The following CPE variants were observed in gnomAD, a reference collection of about 807,000 sequenced individuals.
CPE encodes the protein carboxypeptidase E.
A neutral mutation model predicts 53.5 loss-of-function variants in CPE; 17 were observed. That is an observed-to-expected ratio of 0.32 (90% CI 0.22 to 0.48). The LOEUF is 0.48. Ranked by LOEUF, CPE falls within the 20% of genes least tolerant of loss-of-function variation. CPE has a pLI of 0.99. For synonymous variants in CPE, 226 were observed against 228.8 expected, an observed-to-expected ratio of 0.99 and a Z score of 0.11; for missense variants, 524 against 614.7, an observed-to-expected ratio of 0.85 and a Z score of 1.56.
chr4:165,493,206 T>C lies in CPE; in HGVS notation c.1149T>C (p.Leu383=), dbSNP rs1194328148. 2.0e-5 allele frequency: 32 copies of C among 1,614,076 alleles called. No individual in the cohort carries two copies. Among genetic ancestry groups the C allele is most frequent in the Non-Finnish European group, 2.5e-5 (30 of 1,179,946 alleles). The change falls in exon 7 of 9, where the codon CTT becomes CTC. Residue 383 remains leucine (L), a synonymous_variant. Transcript: ENST00000402744. Reference sequence around the variant, plus strand: ...GAGTTAAAGGATTTGTCCGAGACCTTCAAGGTAACCCAATTGCGAATGCCA... The same window carrying C: ...GAGTTAAAGGATTTGTCCGAGACCTCCAAGGTAACCCAATTGCGAATGCCA... ...HRGVKGFVRD[L]QGNPIANATI... is the part of the protein sequence containing the mutation.
chr4:165,473,131 A>G (rs896040867), intron 3 of CPE, among the ~76,000 whole-genome samples: 3 of 152,268 alleles, frequency 2.0e-5, no homozygotes, highest in Non-Finnish European at 4.4e-5. Context: ...TTAAAACTGT[A>G]TAACTTTTTA....
At chr4:165,392,724 T>A (rs1241787305) in intron 1 of CPE, among the ~76,000 whole-genome samples, 1 of 148,188 alleles carries the variant, frequency 6.7e-6, no homozygotes, top group Non-Finnish European at 1.5e-5. Flanking sequence ...CCATCCCAAA[T>A]TGTTTTATTG....
intron 1 of CPE, among the ~76,000 whole-genome samples, chr4:165,428,235 C>T (rs1236650235): frequency 2.0e-5 from 3 of 151,946 alleles, no homozygotes; most frequent in African/African-American, 7.3e-5. Context: ...AAACTTTTTT[C>T]ATTTTTTGTA....
chr4:165,441,215 G>A (rs899653730), intron 1 of CPE, among the ~76,000 whole-genome samples: 2 of 152,132 alleles, frequency 1.3e-5, no homozygotes, highest in African/African-American at 4.8e-5. Context: ...TGATTTGATT[G>A]TTAATCTGAT....
intron 1 of CPE, chr4:165,405,430 T>G (rs758564585): frequency 2.0e-4 from 175 of 888,776 alleles, no homozygotes; most frequent in Non-Finnish European, 3.2e-4. Context: ...CTTGCTCAAT[T>G]CCAGTCTTTA....
chr4:165,416,148 C>T (rs1456569634), intron 1 of CPE, among the ~76,000 whole-genome samples: 5 of 152,152 alleles, frequency 3.3e-5, no homozygotes, highest in East Asian at 1.9e-4. Context: ...GTAGCTGAGA[C>T]GAAAGCATTG....
At chr4:165,450,282 T>C (rs915100810) in intron 1 of CPE, among the ~76,000 whole-genome samples, 5 of 152,174 alleles carry the variant, frequency 3.3e-5, no homozygotes, top group Non-Finnish European at 5.9e-5. Context: ...GGGGCTACTG[T>C]GTATCTGTTT....
Position 165,478,285 on chromosome 4 carries a change from G to C in CPE, c.673-3957G>C, listed in dbSNP as rs115670235. On this transcript the variant is annotated intron_variant, in intron 3 of 8. Transcript: ENST00000402744. ...ACTCCAAAGTCTTCTCTGTGGATCA[G>C]TTAAATATATAATTATAGTACACAG... Among the ~76,000 whole-genome samples the C allele has an allele frequency of 4.7e-3, 713 of 152,300 alleles. 6 individuals carry two copies. The highest frequency in any genetic ancestry group is 0.016 in the African/African-American group (661 of 41,560).
intron 3 of CPE, among the ~76,000 whole-genome samples, chr4:165,473,676 C>T (rs996720782): frequency 2.6e-5 from 4 of 152,212 alleles, no homozygotes; most frequent in African/African-American, 7.2e-5. Flanking sequence ...AGGCACCCAT[C>T]TTGGAAAGCA....
Position 165,484,573 on chromosome 4 carries a change from C to T in CPE, c.942C>T (p.Thr314=), listed in dbSNP as rs775810485. Reference sequence around the variant, plus strand: ...ACAGCAGCTTTGTAGATGGAACCACCAACGGTGGTGCTTGGTACAGCGTAC... The same window carrying T: ...ACAGCAGCTTTGTAGATGGAACCACTAACGGTGGTGCTTGGTACAGCGTAC... The part of the protein sequence containing the change: ...DDDSSFVDGT[T]NGGAWYSVPG... Residue 314 remains threonine (T), a synonymous_variant, in exon 5 of 9, where the codon ACC becomes ACT. Transcript: ENST00000402744. 6.8e-6 allele frequency: 11 copies of T among 1,614,048 alleles called. No individual in the cohort carries two copies. In the Admixed American group the frequency reaches 1.8e-4, roughly 27 times the overall value.
chr4:165,439,865 G>A (rs529503827), intron 1 of CPE, among the ~76,000 whole-genome samples: 50 of 152,216 alleles, frequency 3.3e-4, no homozygotes, highest in Non-Finnish European at 4.6e-4. Context: ...TCAAGGAACC[G>A]ATAGCATGAT....
At chr4:165,465,983 T>C (rs1732093129) in intron 2 of CPE, among the ~76,000 whole-genome samples, 1 of 152,222 alleles carries the variant, frequency 6.6e-6, no homozygotes, top group South Asian at 2.1e-4. Flanking sequence ...CTTTATATTA[T>C]TAACATTTAA....
chr4:165,390,059 G>A (rs1246759082), intron 1 of CPE, among the ~76,000 whole-genome samples: 2 of 152,108 alleles, frequency 1.3e-5, no homozygotes, highest in African/African-American at 4.8e-5. Context: ...CCAAACCATT[G>A]ACATGCATGC....
chr4:165,379,167 G>C lies in CPE; in HGVS notation c.-55G>C. 1.6e-6 allele frequency: 2 copies of C among 1,214,816 alleles called. No homozygotes were observed. The highest frequency in any genetic ancestry group is 2.0e-6 in the Non-Finnish European group (2 of 977,770). The allele number at this position is 1,214,816 out of a possible 1,614,324, so 75.3% of individuals were successfully genotyped here. A position where few individuals can be genotyped will look rare whatever the true frequency, so the allele number is the denominator to read the frequency against. ...GGCGGGCTAAGCCCAGGGCCGGGCA[G>C]ACAAAAGAGGCCGCCCGCGTAGGAA... is the stretch of plus-strand genomic sequence containing the variant. On this transcript the variant is annotated 5_prime_UTR_variant, in exon 1 of 9. Transcript: ENST00000402744. The surrounding 1 kb of genome is among the most constrained non-coding windows in gnomAD (Gnocchi z 6.0).
intron 1 of CPE, among the ~76,000 whole-genome samples, chr4:165,440,460 C>CA (rs1560882884): frequency 1.5e-5 from 2 of 136,392 alleles, no homozygotes; most frequent in African/African-American, 5.6e-5. Context: ...CCCCACCCCC[C>CA]CCCACACACA....
At chr4:165,445,579 A>C (rs1330524656) in intron 1 of CPE, among the ~76,000 whole-genome samples, 1 of 152,174 alleles carries the variant, frequency 6.6e-6, no homozygotes. Flanking sequence ...TTGTATAGCC[A>C]GGAATAGATT....
chr4:165,474,715 A>T (rs1282418079), intron 3 of CPE, among the ~76,000 whole-genome samples: 1 of 152,200 alleles, frequency 6.6e-6, no homozygotes, highest in Non-Finnish European at 1.5e-5. Flanking sequence ...ATCTGTTTTA[A>T]TGGTAATCTG....
chr4:165,462,903 G>A lies in CPE; in HGVS notation c.308-1487G>A, dbSNP rs191040140. On this transcript the variant is annotated intron_variant, in intron 1 of 8. Transcript: ENST00000402744. ...TAATTCAGAAACTCAGGAATCTCAT[G>A]CAAAGAATGCTTAGTTAACATATTT... Among the ~76,000 whole-genome samples, 91 of 152,274 alleles carry A rather than the reference G, an allele frequency of 6.0e-4. 1 individual carries two copies. The highest frequency in any genetic ancestry group is 1.3e-3 in the Admixed American group (20 of 15,298).
intron 1 of CPE, among the ~76,000 whole-genome samples, chr4:165,412,323 A>AAGTT (rs1349076013): frequency 1.3e-5 from 2 of 152,170 alleles, no homozygotes; most frequent in African/African-American, 2.4e-5. Context: ...TATCTTTTTT[A>AAGTT]AGTTATGCTG....
Sources: allele counts gnomAD v4.1 joint callset (sites outside exome capture counted in the v4.1 genomes callset), GRCh38; gene constraint gnomAD v4.1.1; non-coding constraint Gnocchi (gnomAD v3.1); transcripts MANE v1.5; gene names NCBI Gene and HGNC (gene_info 2026-07-23, HGNC 2026-07-21).